ATAD2B: variants seen among roughly 807,000 people sequenced by gnomAD.
ATAD2B encodes ATPase family AAA domain containing 2B.
In ATAD2B, 40 loss-of-function variants were observed where a neutral mutation model predicts 167.6. That is an observed-to-expected ratio of 0.24 (90% CI 0.19 to 0.31). The LOEUF (loss-of-function observed/expected upper bound fraction) is 0.31, where lower values mean the gene tolerates loss of function less well. Among genes scored for constraint, ATAD2B ranks in the 10% least tolerant of loss-of-function variants. ATAD2B has a pLI of 1.00. For missense variants in ATAD2B, 1,242 were observed against 1,757.2 expected (o/e 0.71, Z 5.24); for synonymous variants, 579 against 596.5 (o/e 0.97, Z 0.43).
At chr2:23,861,787 T>C (rs185186816) in intron 12 of ATAD2B, among the ~76,000 whole-genome samples, 4 of 152,304 alleles carry the variant, frequency 2.6e-5, no homozygotes, top group Admixed American at 2.6e-4. Flanking sequence ...ATTAATGAAT[T>C]CTCTTGAAGC....
the ATAD2B span, chr2:23,697,564 T>G: frequency 6.6e-6 from 1 of 152,334 alleles, no homozygotes; most frequent in Non-Finnish European, 1.5e-5. Flanking sequence ...CAATTTGTAT[T>G]TTTCCCCCTT....
At chr2:23,692,427 G>C in the ATAD2B span, among the ~76,000 whole-genome samples, 4 of 152,220 alleles carry the variant, frequency 2.6e-5, no homozygotes, top group South Asian at 4.1e-4. Context: ...ATGCTACCCC[G>C]CATGGGCGAC....
the ATAD2B span, among the ~76,000 whole-genome samples, chr2:23,714,240 T>A: frequency 1.6e-5 from 2 of 123,396 alleles, no homozygotes; most frequent in Non-Finnish European, 3.6e-5. Flanking sequence ...CTCAAAATAC[T>A]TTTTTTTTTT....
At chr2:23,739,104 G>C in the ATAD2B span, among the ~76,000 whole-genome samples, 2 of 152,162 alleles carry the variant, frequency 1.3e-5, no homozygotes, top group Non-Finnish European at 2.9e-5. Flanking sequence ...AATAATGGGA[G>C]ACTTTAACAC....
At chr2:23,804,304 A>G (rs1683978690) in intron 18 of ATAD2B, among the ~76,000 whole-genome samples, 1 of 152,222 alleles carries the variant, frequency 6.6e-6, no homozygotes, top group African/African-American at 2.4e-5. Context: ...ATCACAGATT[A>G]GCCAAGACAT....
Position 23,816,087 on chromosome 2 carries a change from C to T in ATAD2B, c.2267+3660G>A, listed in dbSNP as rs527291086. On this transcript the variant is annotated intron_variant, in intron 17 of 27. Transcript: ENST00000238789. ...TATATGAAAGAACAAATGAACAAGT[C>T]AACTAAACAAAAAGATATTATATTC... 2.6e-4 allele frequency among the ~76,000 whole-genome samples: 39 copies of T among 152,152 alleles called. No homozygotes were observed. The South Asian group carries it at 2.7e-3, about 11-fold the overall frequency.
chr2:23,864,356 C>T (rs985706124), intron 11 of ATAD2B, among the ~76,000 whole-genome samples: 1 of 152,064 alleles, frequency 6.6e-6, no homozygotes, highest in Non-Finnish European at 1.5e-5. Flanking sequence ...CTGCCTTTTC[C>T]AATAGTTCCC....
intron 2 of ATAD2B, among the ~76,000 whole-genome samples, chr2:23,888,625 T>G (rs1463396973): frequency 6.6e-6 from 1 of 152,166 alleles, no homozygotes; most frequent in Non-Finnish European, 1.5e-5. Context: ...ACACTAAGTT[T>G]ACTCTGCCAT....
intron 1 of ATAD2B, among the ~76,000 whole-genome samples, chr2:23,911,148 G>C (rs547577558): frequency 3.3e-5 from 5 of 151,698 alleles, no homozygotes; most frequent in Admixed American, 2.0e-4. Context: ...TTGAACCCAG[G>C]GGGCAGAGGT....
At chr2:23,837,098 G>A (rs1258855004) in intron 13 of ATAD2B, among the ~76,000 whole-genome samples, 1 of 152,186 alleles carries the variant, frequency 6.6e-6, no homozygotes, top group Non-Finnish European at 1.5e-5. Flanking sequence ...GTGCCAAGCT[G>A]CCCTCAGCCA....
intron 19 of ATAD2B, among the ~76,000 whole-genome samples, chr2:23,796,925 C>T (rs1185647971): frequency 6.6e-6 from 1 of 152,130 alleles, no homozygotes; most frequent in East Asian, 1.9e-4. Context: ...GTTTTTCTAA[C>T]TCTTGCTACA....
At chr2:23,880,092 C>T in intron 7 of ATAD2B, among the ~76,000 whole-genome samples, 1 of 151,246 alleles carries the variant, frequency 6.6e-6, no homozygotes, top group South Asian at 2.1e-4. Context: ...AGATACTTTC[C>T]CTAAAGAACT....
chr2:23,909,120 T>A (rs1701890245), intron 1 of ATAD2B, among the ~76,000 whole-genome samples: 1 of 147,014 alleles, frequency 6.8e-6, no homozygotes, highest in Non-Finnish European at 1.5e-5. Flanking sequence ...ACCCTAAAAC[T>A]TAAAGTATAA....
the ATAD2B span, chr2:23,690,163 G>C: frequency 6.6e-6 from 1 of 152,254 alleles, no homozygotes; most frequent in Non-Finnish European, 1.5e-5. Context: ...GGCGGTGCCT[G>C]ACCTCAGAGA....
chr2:23,830,263 C>T (rs763721049), intron 14 of ATAD2B, among the ~76,000 whole-genome samples: 9 of 152,074 alleles, frequency 5.9e-5, no homozygotes, highest in Non-Finnish European at 7.4e-5. Flanking sequence ...GGATTACAGG[C>T]GTGAGCTACC....
intron 13 of ATAD2B, among the ~76,000 whole-genome samples, chr2:23,834,281 C>T (rs968486108): frequency 1.2e-4 from 18 of 150,102 alleles, no homozygotes; most frequent in Admixed American, 4.7e-4. Flanking sequence ...CCTGCCTCAG[C>T]CTCCCAAGTA....
At chr2:23,729,662 A>G in the ATAD2B span, among the ~76,000 whole-genome samples, 2 of 152,216 alleles carry the variant, frequency 1.3e-5, no homozygotes, top group Admixed American at 1.3e-4. Flanking sequence ...TGACACATAC[A>G]TGGAAAGATG....
rs568078862 is a variant in ATAD2B at position 23,763,960 on chromosome 2, G to A, written c.3256+1546C>T. On this transcript the variant is annotated intron_variant, in intron 23 of 27. Coordinates refer to ENST00000238789, the MANE Select transcript of ATAD2B (RefSeq NM_017552.4). ...CTTTGTTCCCTTTTATTACTAAGTA[G>A]TATGCGCTTGTATGGGTATCCTATG... 3.3e-5 allele frequency among the ~76,000 whole-genome samples: 5 copies of A among 152,288 alleles called. No individual in the cohort carries two copies. The South Asian group carries it at 8.3e-4, about 25-fold the overall frequency.
chr2:23,911,545 A>C (rs1177469846), intron 1 of ATAD2B, among the ~76,000 whole-genome samples: 1 of 151,180 alleles, frequency 6.6e-6, no homozygotes, highest in Non-Finnish European at 1.5e-5. Context: ...ACAGGGTGAG[A>C]TCTTATCCCA....
Sources: allele counts gnomAD v4.1 joint callset (sites outside exome capture counted in the v4.1 genomes callset), GRCh38; gene constraint gnomAD v4.1.1; transcripts MANE v1.5; gene names NCBI Gene and HGNC (gene_info 2026-07-23, HGNC 2026-07-21).